Variants in HSPBP1 observed in about 807,000 individuals in gnomAD.
The protein encoded by HSPBP1 is HSPA (Hsp70) binding protein 1.
HSPBP1 carries 31 observed loss-of-function variants against 41.7 expected under a neutral mutation model. The ratio of observed to expected loss-of-function variants is 0.74; its 90% CI spans 0.56 to 1.00. The LOEUF is 1.00. Among genes scored for constraint, HSPBP1 ranks in the 50% least tolerant of loss-of-function variants. HSPBP1 has a pLI of 0.00. For missense variants in HSPBP1, 439 were observed against 487.9 expected, an observed-to-expected ratio of 0.90 and a Z score of 0.94; for synonymous variants, 199 against 214.4, an observed-to-expected ratio of 0.93 and a Z score of 0.63.
At chr19:55,265,497 C>G (rs899829011) in intron 6 of HSPBP1, 108 bp from the exon 7 acceptor site, 62 of 861,416 alleles carry the variant, frequency 7.2e-5, no homozygotes, top group Non-Finnish European at 1.1e-4. Context: ...TGGCAAGTCG[C>G]TGCCCCACAA....
At position 55,272,010 on chromosome 19, in the gene HSPBP1, C is replaced by A. The variant is rs1427221998; in HGVS notation, c.640+2388G>T. Among the ~76,000 whole-genome samples, 1 of 151,476 alleles carries A rather than the reference C, an allele frequency of 6.6e-6. No individual in the cohort carries two copies. Among genetic ancestry groups the A allele is most frequent in the Non-Finnish European group, 1.5e-5 (1 of 67,912 alleles). On this transcript the variant is annotated intron_variant, in intron 4 of 7. Coordinates refer to ENST00000433386, the MANE Select transcript of HSPBP1 (RefSeq NM_012267.5). This position sits in a 1 kb window ranked among gnomAD's most constrained non-coding sequence, Gnocchi z 4.2. ...CTGGGAGGTGGAGGTTGCAGTGAGC[C>A]GAGATTGCGCCACTGCACTCCAGCC... is the stretch of plus-strand genomic sequence containing the variant.
chr19:55,267,208 G>T (rs2087810444), intron 4 of HSPBP1, among the ~76,000 whole-genome samples: 1 of 152,136 alleles, frequency 6.6e-6, no homozygotes, highest in African/African-American at 2.4e-5. Flanking sequence ...GGAGTGTGCA[G>T]TGGAGCAATC....
intron 4 of HSPBP1, among the ~76,000 whole-genome samples, chr19:55,273,451 G>C (rs1193141007): frequency 1.3e-5 from 2 of 152,182 alleles, no homozygotes; most frequent in Admixed American, 1.3e-4. Context: ...CACCAGGCTG[G>C]GATCCTGGCT....
chr19:55,265,091 C>T (rs1203310710), intron 7 of HSPBP1, among the ~76,000 whole-genome samples, 187 bp downstream of exon 7: 1 of 150,496 alleles, frequency 6.6e-6, no homozygotes, highest in South Asian at 2.1e-4. Flanking sequence ...CTGCCCCTCA[C>T]ACCTAGTCCT....
chr19:55,262,514 G>A lies in HSPBP1; in HGVS notation c.*94C>T. The A allele has an allele frequency of 1.3e-6, 2 of 1,551,940 alleles. No individual in the cohort carries two copies. Among genetic ancestry groups the A allele is most frequent in the Non-Finnish European group, 1.7e-6 (2 of 1,147,854 alleles). ...GCACACCCTGGGTCCAGGCACCTAG[G>A]CCCTGCGATCCCTTGGGAGAGGGCC... On this transcript the variant is annotated 3_prime_UTR_variant, in exon 8 of 8. Transcript: ENST00000433386.
intron 7 of HSPBP1, among the ~76,000 whole-genome samples, chr19:55,263,478 A>G (rs2087697438): frequency 1.3e-5 from 2 of 152,186 alleles, no homozygotes; most frequent in African/African-American, 2.4e-5. Context: ...GACCCCAGCC[A>G]TTTCCCTTCT....
At chr19:55,266,577 TATCACCATCACCACCAC>T (rs1220337882) in intron 4 of HSPBP1, among the ~76,000 whole-genome samples, 3 of 88,850 alleles carry the variant, frequency 3.4e-5, no homozygotes, top group Non-Finnish European at 4.7e-5. Flanking sequence ...TCACCATCAC[TATCACCATCACCACCAC>T]ATCACCATCA....
At chr19:55,275,025 C>T (rs2088034253) in intron 3 of HSPBP1, among the ~76,000 whole-genome samples, 1 of 152,146 alleles carries the variant, frequency 6.6e-6, no homozygotes, top group African/African-American at 2.4e-5. Flanking sequence ...CTAAGGTGGC[C>T]CTAAGCTGAC....
intron 4 of HSPBP1, among the ~76,000 whole-genome samples, chr19:55,267,399 C>T (rs1162597930): frequency 2.6e-5 from 4 of 151,780 alleles, no homozygotes; most frequent in Non-Finnish European, 5.9e-5. Flanking sequence ...GATCCACCTG[C>T]CTGGGCCTCC....
At chr19:55,265,715 T>G (rs925126208) in intron 6 of HSPBP1, among the ~76,000 whole-genome samples, 171 bp downstream of exon 6, 1 of 152,002 alleles carries the variant, frequency 6.6e-6, no homozygotes, top group Non-Finnish European at 1.5e-5. Context: ...CCAGCCCTAC[T>G]GGTGAGGAAA....
At chr19:55,276,215 T>C (rs936211503) in intron 3 of HSPBP1, among the ~76,000 whole-genome samples, 7 of 151,322 alleles carry the variant, frequency 4.6e-5, no homozygotes, top group African/African-American at 1.2e-4. Context: ...TAATCATCTA[T>C]ATGAAATGTC....
chr19:55,267,399 CCTG>C (rs2087816043), intron 4 of HSPBP1, among the ~76,000 whole-genome samples: 1 of 151,780 alleles, frequency 6.6e-6, no homozygotes, highest in African/African-American at 2.4e-5. Context: ...GATCCACCTG[CCTG>C]GGCCTCCCAA....
chr19:55,276,104 C>CAAAAAAAAA (rs59561808), intron 3 of HSPBP1, among the ~76,000 whole-genome samples: 2 of 65,998 alleles, frequency 3.0e-5, no homozygotes, highest in African/African-American at 6.2e-5. Flanking sequence ...GAGACTGACT[C>CAAAAAAAAA]AAAAAAAAAA....
At chr19:55,275,479 C>T (rs1027793134) in intron 3 of HSPBP1, among the ~76,000 whole-genome samples, 3 of 152,124 alleles carry the variant, frequency 2.0e-5, no homozygotes, top group Non-Finnish European at 2.9e-5. Flanking sequence ...AGCCATACAA[C>T]GGAGTATTAC....
rs533553783 is a variant in HSPBP1, at chr19:55,270,604, C to T, written c.640+3794G>A. ...AAAAGGACAGAGGCAGGTCAAGGTG[C>T]GCCACAGTCAGGATGGCCTGTGCCA... On this transcript the variant is annotated intron_variant, in intron 4 of 7. Coordinates refer to ENST00000433386, the MANE Select transcript of HSPBP1 (RefSeq NM_012267.5). This position sits in a 1 kb window ranked among gnomAD's most constrained non-coding sequence, Gnocchi z 5.4. Among the ~76,000 whole-genome samples the T allele has an allele frequency of 6.6e-6, 1 of 152,098 alleles. No homozygotes were observed. Among genetic ancestry groups the T allele is most frequent in the African/African-American group, 2.4e-5 (1 of 41,398 alleles).
At chr19:55,265,184 C>T in intron 7 of HSPBP1, 94 bp downstream of exon 7, 1 of 793,192 alleles carries the variant, frequency 1.3e-6, no homozygotes, top group Non-Finnish European at 2.0e-6. Context: ...CTCCTCGAAC[C>T]CCATCCCCTC....
intron 4 of HSPBP1, among the ~76,000 whole-genome samples, chr19:55,271,643 T>A (rs759002997): frequency 2.6e-5 from 4 of 152,180 alleles, no homozygotes; most frequent in Non-Finnish European, 5.9e-5. Context: ...GGCCACCATC[T>A]GCCAGGAACA....
At position 55,270,279 on chromosome 19, in the gene HSPBP1, C is replaced by T. The variant is rs944355563; in HGVS notation, c.641-3993G>A. Among the ~76,000 whole-genome samples, 2 of 152,194 alleles carry T rather than the reference C, an allele frequency of 1.3e-5. No individual in the cohort carries two copies. The highest frequency in any genetic ancestry group is 2.4e-5 in the African/African-American group (1 of 41,450). On this transcript the variant is annotated intron_variant, in intron 4 of 7. Coordinates refer to ENST00000433386, the MANE Select transcript of HSPBP1 (RefSeq NM_012267.5). The surrounding 1 kb of genome is among the most constrained non-coding windows in gnomAD (Gnocchi z 5.4). ...ACGTGGTGAGGCCGCTCACGCAGCC[C>T]GAGCTTCCTGCCAACTGCCAGCAAA... is the stretch of plus-strand genomic sequence containing the variant.
chr19:55,279,282 C>T (rs1245167249), intron 2 of HSPBP1, 117 bp downstream of exon 2: 2 of 844,110 alleles, frequency 2.4e-6, no homozygotes, highest in Non-Finnish European at 3.7e-6. Context: ...ACCTGGTTTT[C>T]TGCCTCCCAC....
Sources: gnomAD v4.1 joint callset for allele counts (sites outside exome capture counted in the v4.1 genomes callset) on GRCh38, gnomAD v4.1.1 for gene constraint, Gnocchi (gnomAD v3.1) non-coding constraint, MANE v1.5 for transcripts, NCBI Gene and HGNC (gene_info 2026-07-23, HGNC 2026-07-21) for gene names.